The following TACC2 variants were observed in gnomAD, a reference collection of about 807,000 sequenced individuals.
The protein encoded by TACC2 is transforming acidic coiled-coil-containing protein 2.
Under a neutral mutation model 227.3 loss-of-function variants are expected in TACC2, and 137 were observed. The ratio of observed to expected loss-of-function variants is 0.60; its 90% CI spans 0.52 to 0.69. The LOEUF (loss-of-function observed/expected upper bound fraction) is 0.69, where lower values mean the gene tolerates loss of function less well. Among genes scored for constraint, TACC2 ranks in the 30% least tolerant of loss-of-function variants. TACC2 has a pLI of 0.00. For synonymous variants in TACC2, 1,523 were observed against 1,487.5 expected, an observed-to-expected ratio of 1.02 and a Z score of -0.55; for missense variants, 3,470 against 3,694.4, an observed-to-expected ratio of 0.94 and a Z score of 1.57.
chr10:122,016,913 G>A (rs912074693), intron 1 of TACC2, among the ~76,000 whole-genome samples: 1 of 152,158 alleles, frequency 6.6e-6, no homozygotes, highest in Non-Finnish European at 1.5e-5. Context: ...CAACATGACT[G>A]TTGTCCTTAG....
At chr10:122,065,141 C>T (rs115006121) in intron 3 of TACC2, among the ~76,000 whole-genome samples, 3,793 of 152,144 alleles carry the variant, frequency 0.025, 88 homozygotes, top group African/African-American at 0.055. Context: ...CCATCTTAAC[C>T]GTTTCTAAGT....
intron 5 of TACC2, among the ~76,000 whole-genome samples, chr10:122,124,644 G>A (rs2086483434): frequency 6.6e-6 from 1 of 152,194 alleles, no homozygotes; most frequent in Non-Finnish European, 1.5e-5. Context: ...CCCAAACGGA[G>A]CTCCATGTGT....
chr10:122,185,002 G>A (rs896589537), intron 7 of TACC2, among the ~76,000 whole-genome samples: 8 of 145,380 alleles, frequency 5.5e-5, no homozygotes, highest in East Asian at 2.0e-4. Flanking sequence ...TGGTTTTTCC[G>A]TCTCCTCTGT....
chr10:122,211,150 C>T lies in TACC2; in HGVS notation c.6725C>T (p.Ala2242Val). The T allele has an allele frequency of 6.2e-7, 1 of 1,610,118 alleles. No homozygotes were observed. The highest frequency in any genetic ancestry group is 8.5e-7 in the Non-Finnish European group (1 of 1,178,122). ...CTGCCTCTTACCACGGCCCCGGAGG[C>T]AGGGGAGGTAACCCCATCGGATAGC... ...KTLPLTTAPE[A>V]GEVTPSDSGG... is the part of the protein sequence containing the mutation. The change falls in exon 9 of 23, where the codon GCA becomes GTA. Residue 2242 changes from alanine to valine, a missense_variant. Physicochemically the swap from Ala to Val is moderately conservative, Grantham distance 64 (BLOSUM62 0). This residue lies in a region of TACC2 where 593 missense variants were observed against 636.6 expected (regional missense o/e 0.93). Transcript: ENST00000369005.
At chr10:122,247,342 C>T (rs1438827087) in intron 19 of TACC2, 5 of 152,220 alleles carry the variant, frequency 3.3e-5, no homozygotes, top group African/African-American at 4.8e-5. Context: ...GCAGCCCCCT[C>T]CCCAGTGACG....
intron 5 of TACC2, among the ~76,000 whole-genome samples, chr10:122,108,442 CTTTTTT>C (rs34097153): frequency 5.7e-4 from 51 of 90,062 alleles, no homozygotes; most frequent in Non-Finnish European, 8.3e-4. Flanking sequence ...GTCATATTTT[CTTTTTT>C]TTTTTTTTTT....
Position 122,084,952 on chromosome 10 carries a change from G to T in TACC2, c.2452G>T (p.Ala818Ser), listed in dbSNP as rs1259927483. The change falls in exon 4 of 23, where the codon GCA becomes TCA. Residue 818 changes from alanine (A) to serine (S), a missense_variant. Physicochemically the swap from Ala to Ser is moderately conservative, Grantham distance 99 (BLOSUM62 1). Transcript: ENST00000369005. ...CPGEGWIRGA[A>S]SEWPLLSSEK... ...AGGGGAAGGCTGGATAAGAGGAGCTGCATCCGAGTGGCCCCTACTATCTTC... is the reference window on the plus strand; with the variant it reads ...AGGGGAAGGCTGGATAAGAGGAGCTTCATCCGAGTGGCCCCTACTATCTTC... 1 of 1,614,220 alleles carries T rather than the reference G, an allele frequency of 6.2e-7. No homozygotes were observed. The highest frequency in any genetic ancestry group is 8.5e-7 in the Non-Finnish European group (1 of 1,180,046).
chr10:122,067,545 C>T (rs1415101744), intron 3 of TACC2, among the ~76,000 whole-genome samples: 28 of 136,008 alleles, frequency 2.1e-4, no homozygotes, highest in Non-Finnish European at 2.9e-4. Context: ...CTTACTCTGT[C>T]ACCCAGGCTG....
Position 122,223,749 on chromosome 10 carries a change from AT to A in TACC2, c.7547-973del, listed in dbSNP as rs1434952448. Among the ~76,000 whole-genome samples the A allele has an allele frequency of 2.6e-5, 4 of 152,156 alleles. No individual in the cohort carries two copies. The East Asian group carries it at 7.7e-4, about 29-fold the overall frequency. On this transcript the variant is annotated intron_variant, in intron 11 of 22. Coordinates refer to ENST00000369005, the MANE Select transcript of TACC2 (RefSeq NM_206862.4). ...TAAACCAGAACTGCTATTTATCTTT[AT>A]TTTCATCTTAAAAAAAGTTGAAAGA...
intron 1 of TACC2, among the ~76,000 whole-genome samples, chr10:122,019,059 G>A (rs80133673): frequency 0.018 from 2,749 of 152,298 alleles, 94 homozygotes; most frequent in African/African-American, 0.062. Flanking sequence ...GCAAAGGATG[G>A]CTGAGTGGTA....
intron 18 of TACC2, 40 bp downstream of exon 18, chr10:122,238,077 AC>A (rs2095895607): frequency 1.3e-6 from 2 of 1,535,878 alleles, no homozygotes; most frequent in Non-Finnish European, 1.8e-6. Context: ...CCTGAGGGAT[AC>A]TTACCTGTGG....
intron 8 of TACC2, among the ~76,000 whole-genome samples, chr10:122,207,835 G>A (rs78062788): frequency 5.9e-5 from 9 of 152,314 alleles, no homozygotes; most frequent in East Asian, 1.9e-4. Context: ...GCAGAGGCAC[G>A]TGTAACGGCC....
intron 7 of TACC2, among the ~76,000 whole-genome samples, chr10:122,183,465 C>G (rs1724694286): frequency 6.6e-6 from 1 of 152,184 alleles, no homozygotes; most frequent in South Asian, 2.1e-4. Flanking sequence ...CATGTGACAG[C>G]CTTCCCATGT....
At chr10:122,010,469 G>A (rs1347426551) in intron 1 of TACC2, among the ~76,000 whole-genome samples, 4 of 152,134 alleles carry the variant, frequency 2.6e-5, no homozygotes, top group Non-Finnish European at 5.9e-5. Flanking sequence ...GGGAAAAAGA[G>A]GCCCTTTACT....
chr10:122,177,745 G>A (rs1460343163), intron 7 of TACC2, among the ~76,000 whole-genome samples: 1 of 152,086 alleles, frequency 6.6e-6, no homozygotes, highest in Non-Finnish European at 1.5e-5. Flanking sequence ...TTGGGAGTGT[G>A]GATTTCAGAG....
In TACC2 at chr10:122,211,880, C is replaced by T. The variant is rs111472951; in HGVS notation, c.7283+172C>T. 5.3e-5 allele frequency among the ~76,000 whole-genome samples: 8 copies of T among 152,346 alleles called. 2 individuals carry two copies. The highest frequency in any genetic ancestry group is 1.9e-4 in the African/African-American group (8 of 41,592). ...GCAGACAATGTACGTGTTTTCCTTCCTCTCTGCGGTCACAGTGGTGGCATT... is the reference window on the plus strand; with the variant it reads ...GCAGACAATGTACGTGTTTTCCTTCTTCTCTGCGGTCACAGTGGTGGCATT... On this transcript the variant is annotated intron_variant, in intron 9 of 22. Coordinates refer to ENST00000369005, the MANE Select transcript of TACC2 (RefSeq NM_206862.4).
Position 122,235,791 on chromosome 10 carries a change from G to A in TACC2, c.8128-1604G>A, listed in dbSNP as rs192717212. On this transcript the variant is annotated intron_variant, in intron 16 of 22. Transcript: ENST00000369005. ...CTATTAGTATATATTCTGGTCAAGC[G>A]TCCTTAAAACGGGGACTTCTTGAGG... Among the ~76,000 whole-genome samples the A allele has an allele frequency of 5.9e-4, 90 of 152,238 alleles. No individual in the cohort carries two copies. The East Asian group carries it at 0.015, about 26-fold the overall frequency.
chr10:121,995,877 C>T (rs1488545151), intron 1 of TACC2, among the ~76,000 whole-genome samples: 1 of 152,090 alleles, frequency 6.6e-6, no homozygotes, highest in East Asian at 1.9e-4. Flanking sequence ...CCTCAGTCTC[C>T]TGAGTAGCTG....
chr10:122,222,544 T>G (rs1235959833), intron 11 of TACC2, among the ~76,000 whole-genome samples: 1 of 152,186 alleles, frequency 6.6e-6, no homozygotes, highest in African/African-American at 2.4e-5. Context: ...CACCGTCAGT[T>G]GCTCCTTCTG....
Sources: allele counts gnomAD v4.1 joint callset (sites outside exome capture counted in the v4.1 genomes callset), GRCh38; gene constraint gnomAD v4.1.1; regional missense constraint gnomAD v4.1.1; transcripts MANE v1.5; gene names NCBI Gene and HGNC (gene_info 2026-07-23, HGNC 2026-07-21).